The following NEGR1 variants were observed in gnomAD, a reference collection of about 807,000 sequenced individuals.
NEGR1 encodes IgLON family member 4.
NEGR1 carries 10 observed loss-of-function variants against 40.9 expected under a neutral mutation model. The observed-to-expected ratio is 0.24, with a 90% confidence interval of 0.15 to 0.42. NEGR1 has a LOEUF of 0.42. NEGR1 is among the 10% of genes least tolerant of loss of function. The probability of loss-of-function intolerance (pLI) is 1.00; values close to 1 mark genes in which losing one functional copy is unlikely to be tolerated. For missense variants in NEGR1, 352 were observed against 438.9 expected, an observed-to-expected ratio of 0.80 and a Z score of 1.77; for synonymous variants, 185 against 166.8, an observed-to-expected ratio of 1.11 and a Z score of -0.84.
At chr1:71,714,068 T>G (rs894247535) in intron 3 of NEGR1, among the ~76,000 whole-genome samples, 1 of 152,126 alleles carries the variant, frequency 6.6e-6, no homozygotes, top group Non-Finnish European at 1.5e-5. Context: ...GGAAAGAGGT[T>G]TAATTGACTC....
chr1:71,794,679 G>T (rs1657254812), intron 2 of NEGR1: 1 of 152,030 alleles, frequency 6.6e-6, no homozygotes, highest in Non-Finnish European at 1.5e-5. Flanking sequence ...TAGCATTGAA[G>T]TTGGAAAAAG....
At chr1:71,961,517 C>A (rs1646165243) in intron 1 of NEGR1, among the ~76,000 whole-genome samples, 1 of 152,028 alleles carries the variant, frequency 6.6e-6, no homozygotes, top group Non-Finnish European at 1.5e-5. Flanking sequence ...TTGTAACCTC[C>A]CAAAACATCA....
At chr1:71,692,470 T>C (rs1236871131) in intron 4 of NEGR1, among the ~76,000 whole-genome samples, 4 of 151,728 alleles carry the variant, frequency 2.6e-5, no homozygotes, top group Non-Finnish European at 5.9e-5. Flanking sequence ...TTTGCCCTAC[T>C]CAAACTTTGA....
intron 3 of NEGR1, among the ~76,000 whole-genome samples, chr1:71,765,028 C>A (rs911778999): frequency 6.6e-6 from 1 of 151,178 alleles, no homozygotes; most frequent in Admixed American, 6.6e-5. Flanking sequence ...AAACTTGCAC[C>A]AAAAAAAGGG....
At chr1:72,222,085 T>C (rs1381285464) in intron 1 of NEGR1, among the ~76,000 whole-genome samples, 1 of 152,022 alleles carries the variant, frequency 6.6e-6, no homozygotes, top group Non-Finnish European at 1.5e-5. Context: ...CTGGCCCCTG[T>C]AGACACAGAG....
intron 1 of NEGR1, among the ~76,000 whole-genome samples, chr1:72,267,792 T>C (rs952660448): frequency 2.6e-5 from 4 of 151,270 alleles, no homozygotes; most frequent in African/African-American, 9.7e-5. Flanking sequence ...CACAAGTCTA[T>C]TGAAAAAAGC....
intron 6 of NEGR1, among the ~76,000 whole-genome samples, chr1:71,432,814 C>T (rs1646478445): frequency 6.6e-6 from 1 of 152,160 alleles, no homozygotes; most frequent in Non-Finnish European, 1.5e-5. Context: ...GATCCAAGCC[C>T]CCATTCTTGA....
intron 1 of NEGR1, among the ~76,000 whole-genome samples, chr1:72,022,067 G>A (rs979275349): frequency 1.3e-5 from 2 of 151,766 alleles, no homozygotes; most frequent in Non-Finnish European, 2.9e-5. Context: ...CCCGGGAGGC[G>A]GAGCTTGCAG....
At chr1:71,834,619 T>G (rs796088069) in intron 2 of NEGR1, among the ~76,000 whole-genome samples, 17 of 152,116 alleles carry the variant, frequency 1.1e-4, no homozygotes, top group African/African-American at 3.9e-4. Context: ...GGCCCCCACT[T>G]TCAGAAAACA....
At chr1:72,245,314 G>A (rs990095036) in intron 1 of NEGR1, among the ~76,000 whole-genome samples, 2 of 152,008 alleles carry the variant, frequency 1.3e-5, no homozygotes, top group African/African-American at 2.4e-5. Context: ...AATTTATTCA[G>A]TATGTCAACT....
intron 3 of NEGR1, among the ~76,000 whole-genome samples, chr1:71,768,719 A>G (rs1022200259): frequency 3.3e-5 from 5 of 152,112 alleles, no homozygotes; most frequent in Non-Finnish European, 7.4e-5. Context: ...TGGGAATGAT[A>G]TGGTTTGGAT....
chr1:72,255,448 T>C (rs928675763), intron 1 of NEGR1, among the ~76,000 whole-genome samples: 3 of 152,162 alleles, frequency 2.0e-5, no homozygotes, highest in Non-Finnish European at 2.9e-5. Context: ...AGCACAACAG[T>C]ATCTTCATTC....
intron 3 of NEGR1, among the ~76,000 whole-genome samples, chr1:71,744,284 C>CATATATATAT (rs147978120): frequency 0.25 from 34,582 of 136,468 alleles, 5,048 homozygotes; most frequent in East Asian, 0.38. Flanking sequence ...TGACAAATAA[C>CATATATATAT]ATATATATAT....
intron 1 of NEGR1, among the ~76,000 whole-genome samples, chr1:72,241,397 C>A (rs1249373780): frequency 2.0e-5 from 3 of 151,490 alleles, no homozygotes; most frequent in Non-Finnish European, 3.0e-5. Context: ...TTAGTTAATT[C>A]TCTGTGAGAA....
intron 1 of NEGR1, among the ~76,000 whole-genome samples, chr1:72,142,315 T>A (rs1483642723): frequency 6.6e-6 from 1 of 151,986 alleles, no homozygotes; most frequent in Non-Finnish European, 1.5e-5. Flanking sequence ...TAAAGATACA[T>A]GGACATAAAA....
chr1:72,044,212 CT>C (rs1646980959), intron 1 of NEGR1, among the ~76,000 whole-genome samples: 2 of 150,760 alleles, frequency 1.3e-5, no homozygotes, highest in African/African-American at 4.9e-5. Flanking sequence ...ATCATTAAGA[CT>C]TGATTACTGG....
chr1:71,412,310 T>G (rs762258104), intron 6 of NEGR1, among the ~76,000 whole-genome samples: 2 of 152,186 alleles, frequency 1.3e-5, no homozygotes, highest in Admixed American at 6.5e-5. Context: ...CCCTTTGCAC[T>G]TATTAAAGTC....
At chr1:71,772,643 A>C (rs540383280) in intron 3 of NEGR1, among the ~76,000 whole-genome samples, 2 of 152,338 alleles carry the variant, frequency 1.3e-5, no homozygotes, top group South Asian at 4.1e-4. Flanking sequence ...CCAATGTTAA[A>C]TTTACTGAAA....
intron 3 of NEGR1, among the ~76,000 whole-genome samples, chr1:71,771,571 A>C (rs1303961583): frequency 6.6e-6 from 1 of 151,818 alleles, no homozygotes; most frequent in Admixed American, 6.6e-5. Context: ...ATGGTGGCGC[A>C]TGCCTGTAAT....
Sources: allele counts gnomAD v4.1 joint callset (sites outside exome capture counted in the v4.1 genomes callset), GRCh38; gene constraint gnomAD v4.1.1; transcripts MANE v1.5; gene names NCBI Gene and HGNC (gene_info 2026-07-23, HGNC 2026-07-21).